Variants in PHTF1 observed in about 807,000 individuals in gnomAD.
PHTF1 encodes protein PHTF1.
In PHTF1, 88 loss-of-function variants were observed where a neutral mutation model predicts 102.4. The ratio of observed to expected loss-of-function variants is 0.86; its 90% CI spans 0.72 to 1.03. The LOEUF is 1.03. Ranked by LOEUF, PHTF1 falls within the 50% of genes least tolerant of loss-of-function variation. PHTF1 has a pLI of 0.00. For synonymous variants in PHTF1, 289 were observed against 305.2 expected, an observed-to-expected ratio of 0.95 and a Z score of 0.55; for missense variants, 814 against 909.5, an observed-to-expected ratio of 0.89 and a Z score of 1.35.
At position 113,697,690 on chromosome 1, in the gene PHTF1, A is replaced by G; in HGVS notation, c.*15T>C. On this transcript the variant is annotated 3_prime_UTR_variant, in exon 19 of 19. Transcript: ENST00000369604. ...TTTGATACCAGCCAGGGGAGAGTCC[A>G]GGCATTTACTCAGCTTATGATTTAA... 8 of 1,497,506 alleles carry G rather than the reference A, an allele frequency of 5.3e-6. No homozygotes were observed. Among genetic ancestry groups the G allele is most frequent in the Non-Finnish European group, 7.2e-6 (8 of 1,115,528 alleles). The allele number at this position is 1,497,506 out of a possible 1,614,324, so 92.8% of individuals were successfully genotyped here. A position where few individuals can be genotyped will look rare whatever the true frequency, so the allele number is the denominator to read the frequency against.
At chr1:113,700,247 A>T in intron 16 of PHTF1, 1 of 732,728 alleles carries the variant, frequency 1.4e-6, no homozygotes, top group Non-Finnish European at 1.7e-6. Context: ...TACGATTCTA[A>T]GACAAAAAAA....
chr1:113,750,759 G>A (rs1425284369), intron 3 of PHTF1, among the ~76,000 whole-genome samples: 2 of 151,868 alleles, frequency 1.3e-5, no homozygotes, highest in Non-Finnish European at 2.9e-5. Flanking sequence ...GGGAGGCTGA[G>A]GCAGGAGAAT....
intron 7 of PHTF1, among the ~76,000 whole-genome samples, chr1:113,722,960 AAAT>A (rs1342751808): frequency 1.9e-4 from 28 of 148,020 alleles, no homozygotes; most frequent in African/African-American, 6.5e-4. Flanking sequence ...ATAAATAAAT[AAAT>A]AAAAATAAAA....
chr1:113,733,927 C>T (rs1655080216), intron 5 of PHTF1, among the ~76,000 whole-genome samples: 1 of 152,106 alleles, frequency 6.6e-6, no homozygotes, highest in African/African-American at 2.4e-5. Context: ...CCTAGATTGC[C>T]TTAAACATTT....
At chr1:113,700,703 CA>C in intron 16 of PHTF1, 90 bp downstream of exon 16, 1 of 1,188,042 alleles carries the variant, frequency 8.4e-7, no homozygotes, top group Middle Eastern at 2.0e-4. Context: ...GACAGCTAGA[CA>C]GTGATTAAAC....
intron 3 of PHTF1, among the ~76,000 whole-genome samples, chr1:113,755,620 C>T (rs1658738679): frequency 6.6e-6 from 1 of 152,092 alleles, no homozygotes; most frequent in African/African-American, 2.4e-5. Flanking sequence ...AGACAGAGTT[C>T]CTAGTATGAA....
intron 2 of PHTF1, among the ~76,000 whole-genome samples, 196 bp from the exon 3 acceptor site, chr1:113,757,951 A>C (rs1351022999): frequency 4.6e-5 from 7 of 152,240 alleles, no homozygotes; most frequent in Non-Finnish European, 2.9e-5. Context: ...CCTAAAAGTA[A>C]GTTCAAAAGC....
rs34844793 is a variant in PHTF1, at chr1:113,701,826, T to TAAAA, written c.1891-881_1891-878dup. On this transcript the variant is annotated intron_variant, in intron 15 of 18. Coordinates refer to ENST00000369604, the MANE Select transcript of PHTF1 (RefSeq NM_001323043.2). ...TGGCAACCTGGAATTCAATTCCTGG[T>TAAAA]AAAAAAAAAAAAAAAAAAAAAAAAA... Among the ~76,000 whole-genome samples, 76 of 27,976 alleles carry TAAAA rather than the reference T, an allele frequency of 2.7e-3. 3 individuals carry two copies. The highest frequency in any genetic ancestry group is 5.1e-3 in the African/African-American group (35 of 6,860). 18.4% of individuals were successfully genotyped at this position (27,976 alleles called of 152,430 possible).
chr1:113,751,646 A>G (rs1426195589), intron 3 of PHTF1, among the ~76,000 whole-genome samples: 4 of 152,256 alleles, frequency 2.6e-5, no homozygotes, highest in Admixed American at 6.5e-5. Context: ...GGCTATTAAG[A>G]ATAGTGCTGC....
chr1:113,744,323 AATT>A lies in PHTF1; in HGVS notation c.103-5527_103-5525del, dbSNP rs1197094064. On this transcript the variant is annotated intron_variant, in intron 3 of 18. Coordinates refer to ENST00000369604, the MANE Select transcript of PHTF1 (RefSeq NM_001323043.2). ...AACACTGGAGGTATTGATGCAATAT[AATT>A]GGACTTTGTATTAAACAAGGAATAA... is the stretch of plus-strand genomic sequence containing the variant. Among the ~76,000 whole-genome samples, 3 of 152,322 alleles carry A rather than the reference AATT, an allele frequency of 2.0e-5. No individual in the cohort carries two copies. In the East Asian group the frequency reaches 5.8e-4, roughly 29 times the overall value.
intron 3 of PHTF1, among the ~76,000 whole-genome samples, chr1:113,739,721 T>C (rs1355424562): frequency 1.3e-5 from 2 of 152,216 alleles, no homozygotes; most frequent in Non-Finnish European, 2.9e-5. Flanking sequence ...CCGTTGGCTA[T>C]CTGTCATTGC....
At position 113,700,830 on chromosome 1, in the gene PHTF1, C is replaced by A; in HGVS notation, c.2010G>T (p.Lys670Asn). The change falls in exon 16 of 19, where the codon AAG becomes AAT. Residue 670 changes from lysine (K) to asparagine (N), a missense_variant. By Grantham distance (94) the Lys-to-Asn change is moderately conservative. Transcript: ENST00000369604. ...GTAATATTGAAACATTGCTGTATTTCTTATTGGTTTCAGACCCCAGTGAGG... is the reference window on the plus strand; with the variant it reads ...GTAATATTGAAACATTGCTGTATTTATTATTGGTTTCAGACCCCAGTGAGG... ...RLASLGSETNKKYSNVSILLT... is the reference protein window; with the variant it reads ...RLASLGSETNNKYSNVSILLT... 8.7e-6 allele frequency: 14 copies of A among 1,613,834 alleles called. No individual in the cohort carries two copies. The highest frequency in any genetic ancestry group is 1.2e-5 in the Non-Finnish European group (14 of 1,179,874).
Position 113,697,269 on chromosome 1 carries a change from A to G in PHTF1, c.*436T>C, listed in dbSNP as rs1352714959. 2.6e-5 allele frequency: 4 copies of G among 153,690 alleles called. No homozygotes were observed. Among genetic ancestry groups the G allele is most frequent in the African/African-American group, 9.6e-5 (4 of 41,472 alleles). 9.5% of individuals were successfully genotyped at this position (153,690 alleles called of 1,614,324 possible). ...ATAGTTCGCTTGATCTCTCTTTGAT[A>G]GAGAAATGAAATCTCCAGTTCTATA... On this transcript the variant is annotated 3_prime_UTR_variant, in exon 19 of 19. Transcript: ENST00000369604.
intron 3 of PHTF1, among the ~76,000 whole-genome samples, chr1:113,757,343 T>G (rs1476764164): frequency 6.6e-6 from 1 of 152,180 alleles, no homozygotes; most frequent in Non-Finnish European, 1.5e-5. Flanking sequence ...GCACAATATA[T>G]TTCATATAAA....
Position 113,699,777 on chromosome 1 carries a change from T to C in PHTF1, c.2069A>G (p.Glu690Gly), listed in dbSNP as rs751200006. Residue 690 changes from glutamate to glycine, a missense_variant, in exon 17 of 19, where the codon GAA becomes GGA. Transcript: ENST00000369604. ...CTGTTCTTTCTTATTTGGCTTTTTT[T>C]CCATCTTAAGATATAAATTAATCTA... The part of the protein sequence containing the change: ...TEQINLYLKM[E>G]KKPNKKEQLT... 9.7e-6 allele frequency: 13 copies of C among 1,337,358 alleles called. No homozygotes were observed. The highest frequency in any genetic ancestry group is 1.4e-5 in the Non-Finnish European group (13 of 947,282). The allele number at this position is 1,337,358 out of a possible 1,614,324, so 82.8% of individuals were successfully genotyped here. A position where few individuals can be genotyped will look rare whatever the true frequency, so the allele number is the denominator to read the frequency against.
At chr1:113,747,386 G>A (rs949822277) in intron 3 of PHTF1, among the ~76,000 whole-genome samples, 3 of 151,990 alleles carry the variant, frequency 2.0e-5, no homozygotes, top group African/African-American at 7.3e-5. Context: ...CTTCCAATAT[G>A]CTCGAACACA....
At chr1:113,735,084 G>C (rs1225425744) in intron 5 of PHTF1, among the ~76,000 whole-genome samples, 3 of 152,058 alleles carry the variant, frequency 2.0e-5, no homozygotes, top group Admixed American at 6.6e-5. Flanking sequence ...AAGCTATATA[G>C]GCCAGGTGTG....
chr1:113,701,049 A>C (rs1019757220), intron 15 of PHTF1, 100 bp from the exon 16 acceptor site: 1 of 842,490 alleles, frequency 1.2e-6, no homozygotes, highest in Non-Finnish European at 1.9e-6. Context: ...CAAAAATCCA[A>C]TATTTTAATA....
intron 7 of PHTF1, chr1:113,714,448 C>A (rs1223021159): frequency 6.6e-6 from 1 of 152,186 alleles, no homozygotes; most frequent in Non-Finnish European, 1.5e-5. Context: ...CACAAGCTGA[C>A]CAAAGAGCCC....
Sources: gnomAD v4.1 joint callset for allele counts (sites outside exome capture counted in the v4.1 genomes callset) on GRCh38, gnomAD v4.1.1 for gene constraint, MANE v1.5 for transcripts, NCBI Gene and HGNC (gene_info 2026-07-23, HGNC 2026-07-21) for gene names.